The following RIMS4 variants were observed in gnomAD, a reference collection of about 807,000 sequenced individuals.
RIMS4 encodes the protein regulating synaptic membrane exocytosis 4, also known as regulating synaptic membrane exocytosis protein 4.
In RIMS4, 9 loss-of-function variants were observed where a neutral mutation model predicts 29.0. That is an observed-to-expected ratio of 0.31 (90% CI 0.19 to 0.54). The LOEUF (loss-of-function observed/expected upper bound fraction) is 0.54. Ranked by LOEUF, RIMS4 falls within the 20% of genes least tolerant of loss-of-function variation. The pLI, the probability that RIMS4 is intolerant of heterozygous loss-of-function variation, is 0.94. For synonymous variants in RIMS4, 130 were observed against 152.9 expected (o/e 0.85, Z 1.10); for missense variants, 193 against 365.7 (o/e 0.53, Z 3.85).
intron 3 of RIMS4, 127 bp downstream of exon 3, chr20:44,757,945 C>A (rs1179249648): frequency 3.2e-6 from 3 of 936,560 alleles, no homozygotes; most frequent in African/African-American, 3.3e-5. Flanking sequence ...GAGAGTGTGC[C>A]CTGGGCTCTA....
At chr20:44,759,939 T>G (rs546626624) in intron 2 of RIMS4, among the ~76,000 whole-genome samples, 1 of 152,194 alleles carries the variant, frequency 6.6e-6, no homozygotes, top group Non-Finnish European at 1.5e-5. Context: ...CTACTACCCC[T>G]GGCTTGCTTT....
intron 1 of RIMS4, among the ~76,000 whole-genome samples, chr20:44,806,238 G>T (rs2066298299): frequency 6.6e-6 from 1 of 152,182 alleles, no homozygotes; most frequent in South Asian, 2.1e-4. Flanking sequence ...GAAACCACTT[G>T]GTCAGGCTCA....
Position 44,756,861 on chromosome 20 carries a change from G to A in RIMS4, c.591+37C>T. ...TCTGGTACTGTGCATGTGTGCTCGTGCACACACACACACGTGAGCGCGTCA... is the reference window on the plus strand; with the variant it reads ...TCTGGTACTGTGCATGTGTGCTCGTACACACACACACACGTGAGCGCGTCA... On this transcript the variant is annotated intron_variant, in intron 5 of 5. Coordinates refer to ENST00000372851, the MANE Select transcript of RIMS4 (RefSeq NM_182970.4). The surrounding 1 kb of genome is among the most constrained non-coding windows in gnomAD (Gnocchi z 5.9). 4 of 1,578,160 alleles carry A rather than the reference G, an allele frequency of 2.5e-6. No homozygotes were observed. Among genetic ancestry groups the A allele is most frequent in the East Asian group, 2.3e-5 (1 of 43,772 alleles).
intron 2 of RIMS4, among the ~76,000 whole-genome samples, chr20:44,764,209 TCCAC>T (rs2066103059): frequency 3.4e-5 from 4 of 119,116 alleles, no homozygotes; most frequent in African/African-American, 6.3e-5. Flanking sequence ...CATCCATCCA[TCCAC>T]CCATCCATCC....
chr20:44,771,166 T>C (rs2066135625), intron 2 of RIMS4, 109 bp downstream of exon 2: 1 of 1,321,762 alleles, frequency 7.6e-7, no homozygotes, highest in Non-Finnish European at 1.0e-6. Context: ...GAGCTGGCGC[T>C]TTCACAGCCT....
At chr20:44,794,678 C>T (rs1487439931) in intron 1 of RIMS4, among the ~76,000 whole-genome samples, 1 of 152,194 alleles carries the variant, frequency 6.6e-6, no homozygotes, top group Non-Finnish European at 1.5e-5. Flanking sequence ...GCCTTCAAAC[C>T]GGCACTTCCC....
chr20:44,775,434 A>C (rs1214152984), intron 1 of RIMS4, among the ~76,000 whole-genome samples: 1 of 152,144 alleles, frequency 6.6e-6, no homozygotes, highest in Non-Finnish European at 1.5e-5. Flanking sequence ...CCACACAGGC[A>C]GAGCTAGAAG....
intron 1 of RIMS4, among the ~76,000 whole-genome samples, chr20:44,786,786 T>C (rs980423854): frequency 2.0e-5 from 3 of 152,226 alleles, no homozygotes; most frequent in Admixed American, 2.0e-4. Flanking sequence ...TTGAAAATAT[T>C]ACACAAGAGA....
intron 1 of RIMS4, among the ~76,000 whole-genome samples, chr20:44,793,083 T>C (rs546787082): frequency 1.3e-5 from 2 of 152,248 alleles, no homozygotes; most frequent in African/African-American, 4.8e-5. Flanking sequence ...TGCCTTCCTC[T>C]AACTTGCATA....
At position 44,756,329 on chromosome 20, in the gene RIMS4, C is replaced by T. The variant is rs1335165130; in HGVS notation, c.615G>A (p.Gly205=). The part of the protein sequence containing the change: ...VLQVIVWGNY[G]RMERKQFMGV... ...CCATGAACTGCTTCCGCTCCATCCG[C>T]CCGTAGTTCCCCCACACGATCACCT... The change falls in exon 6 of 6, where the codon GGG becomes GGA. Residue 205 remains glycine, a synonymous_variant. Transcript: ENST00000372851. This position sits in a 1 kb window ranked among gnomAD's most constrained non-coding sequence, Gnocchi z 5.9. 2 of 1,614,010 alleles carry T rather than the reference C, an allele frequency of 1.2e-6. No homozygotes were observed. Among genetic ancestry groups the T allele is most frequent in the South Asian group, 2.2e-5 (2 of 91,074 alleles).
At chr20:44,767,794 GCA>G (rs2145451016) in intron 2 of RIMS4, among the ~76,000 whole-genome samples, 1 of 152,326 alleles carries the variant, frequency 6.6e-6, no homozygotes, top group South Asian at 2.1e-4. Context: ...TAAAAGCCCA[GCA>G]CAGTGTCTGC....
Position 44,810,331 on chromosome 20 carries a change from G to GCAGCTTGGC in RIMS4, c.-69_-61dup, listed in dbSNP as rs2145485599. 3.8e-6 allele frequency: 2 copies of GCAGCTTGGC among 528,356 alleles called. No homozygotes were observed. Among genetic ancestry groups the GCAGCTTGGC allele is most frequent in the Non-Finnish European group, 4.9e-6 (2 of 406,948 alleles). The allele number at this position is 528,356 out of a possible 1,614,324, so 32.7% of individuals were successfully genotyped here. A position where few individuals can be genotyped will look rare whatever the true frequency, so the allele number is the denominator to read the frequency against. On this transcript the variant is annotated 5_prime_UTR_variant, in exon 1 of 6. Coordinates refer to ENST00000372851, the MANE Select transcript of RIMS4 (RefSeq NM_182970.4). ...GCGGCGGCGGCGGCGGGCGGCTTGGGCAGCTTGGCCGCCCCATTCTTGACG... is the reference window on the plus strand; with the variant it reads ...GCGGCGGCGGCGGCGGGCGGCTTGGGCAGCTTGGCCAGCTTGGCCGCCCCATTCTTGACG...
At chr20:44,797,628 T>C (rs950392571) in intron 1 of RIMS4, among the ~76,000 whole-genome samples, 6 of 152,230 alleles carry the variant, frequency 3.9e-5, no homozygotes, top group Admixed American at 3.9e-4. Context: ...CTAATACTTG[T>C]ACTTGATTCC....
rs1390500629 is a variant in RIMS4, at chr20:44,803,330, C to CGCCTCTTT, written c.97+6837_97+6844dup. The stretch of plus-strand genomic sequence containing the variant: ...AATATGTGACCTTGGCAAGCCACTT[C>CGCCTCTTT]GCCTCTTTGAGCCTGTTTCCCTACT... On this transcript the variant is annotated intron_variant, in intron 1 of 5. Transcript: ENST00000372851. Among the ~76,000 whole-genome samples the CGCCTCTTT allele has an allele frequency of 5.3e-5, 8 of 152,302 alleles. No individual in the cohort carries two copies. The South Asian group carries it at 1.7e-3, about 32-fold the overall frequency.
At chr20:44,805,029 G>A (rs983353692) in intron 1 of RIMS4, among the ~76,000 whole-genome samples, 5 of 152,162 alleles carry the variant, frequency 3.3e-5, no homozygotes, top group African/African-American at 1.2e-4. Flanking sequence ...GCTGGGCATG[G>A]TGGCGCATGC....
chr20:44,805,849 C>T (rs954216524), intron 1 of RIMS4, among the ~76,000 whole-genome samples: 32 of 151,836 alleles, frequency 2.1e-4, no homozygotes, highest in African/African-American at 7.2e-4. Context: ...CTCTGATTCT[C>T]CCTGCCAGGA....
chr20:44,767,622 T>C (rs924413655), intron 2 of RIMS4, among the ~76,000 whole-genome samples: 1 of 152,182 alleles, frequency 6.6e-6, no homozygotes, highest in Non-Finnish European at 1.5e-5. Flanking sequence ...TAAGGGCAGA[T>C]ACCCAATGCC....
Position 44,810,522 on chromosome 20 carries a change from C to CGGCGGCGGCGGCGGCGGCGGT in RIMS4, c.-252_-251insACCGCCGCCGCCGCCGCCGCC, listed in dbSNP as rs1411407147. On this transcript the variant is annotated 5_prime_UTR_variant, in exon 1 of 6. Coordinates refer to ENST00000372851, the MANE Select transcript of RIMS4 (RefSeq NM_182970.4). ...GCGGCGGCGGCGGCGGCGGTGGCGG[C>CGGCGGCGGCGGCGGCGGCGGT]GGCGGTGGCGGCGCAGCGCGCTCTG... Among the ~76,000 whole-genome samples, 6 of 143,578 alleles carry CGGCGGCGGCGGCGGCGGCGGT rather than the reference C, an allele frequency of 4.2e-5. No homozygotes were observed. Among genetic ancestry groups the CGGCGGCGGCGGCGGCGGCGGT allele is most frequent in the African/African-American group, 1.5e-4 (6 of 40,172 alleles). 94.2% of individuals were successfully genotyped at this position (143,578 alleles called of 152,430 possible). A position where few individuals can be genotyped will look rare whatever the true frequency, so the allele number is the denominator to read the frequency against.
At chr20:44,808,991 A>G (rs1017769740) in intron 1 of RIMS4, among the ~76,000 whole-genome samples, 3 of 152,184 alleles carry the variant, frequency 2.0e-5, no homozygotes, top group Non-Finnish European at 4.4e-5. Context: ...CCTCAAGCAC[A>G]TACACTCCTC....
Sources: gnomAD v4.1 joint callset for allele counts (sites outside exome capture counted in the v4.1 genomes callset) on GRCh38, gnomAD v4.1.1 for gene constraint, Gnocchi (gnomAD v3.1) non-coding constraint, MANE v1.5 for transcripts, NCBI Gene and HGNC (gene_info 2026-07-23, HGNC 2026-07-21) for gene names.